The following CHSY3 variants were observed in gnomAD, a reference collection of about 807,000 sequenced individuals.
CHSY3 encodes the protein chondroitin sulfate synthase 3, also known as N-acetylgalactosaminyl-proteoglycan 3-beta-glucuronosyltransferase 3.
A neutral mutation model predicts 67.2 loss-of-function variants in CHSY3; 35 were observed. That is an observed-to-expected ratio of 0.52 (90% CI 0.40 to 0.69). The LOEUF (loss-of-function observed/expected upper bound fraction) is 0.69. Among genes scored for constraint, CHSY3 ranks in the 30% least tolerant of loss-of-function variants. The probability of loss-of-function intolerance (pLI) is 0.00; values close to 1 mark genes in which losing one functional copy is unlikely to be tolerated. For synonymous variants in CHSY3, 474 were observed against 434.7 expected (o/e 1.09, Z -1.12); for missense variants, 1,069 against 1,138.5 (o/e 0.94, Z 0.88).
intron 2 of CHSY3, among the ~76,000 whole-genome samples, chr5:130,051,903 G>A (rs1018567160): frequency 4.0e-5 from 6 of 149,440 alleles, no homozygotes; most frequent in Non-Finnish European, 7.4e-5. Flanking sequence ...ATATTCAGTA[G>A]TAGAATTGGG....
intron 2 of CHSY3, among the ~76,000 whole-genome samples, chr5:130,019,535 G>A (rs1764307094): frequency 6.6e-6 from 1 of 152,116 alleles, no homozygotes; most frequent in African/African-American, 2.4e-5. Context: ...CTTAGTTCAA[G>A]TCTGTATCCC....
intron 2 of CHSY3, among the ~76,000 whole-genome samples, chr5:130,046,197 T>A (rs76156629): frequency 2.2e-4 from 33 of 152,258 alleles, no homozygotes; most frequent in Non-Finnish European, 4.4e-4. Context: ...GAATTTAGAT[T>A]TCTTGCATCC....
Position 129,940,005 on chromosome 5 carries a change from A to G in CHSY3, c.1086+31645A>G, listed in dbSNP as rs554139883. The stretch of plus-strand genomic sequence containing the variant: ...TCCATATATTATATTAGATTTTAAG[A>G]GTGATTATGCTGATCAAATTATAAC... On this transcript the variant is annotated intron_variant, in intron 2 of 2. Coordinates refer to ENST00000305031, the MANE Select transcript of CHSY3 (RefSeq NM_175856.5). Among the ~76,000 whole-genome samples, 3 of 152,152 alleles carry G rather than the reference A, an allele frequency of 2.0e-5. No individual in the cohort carries two copies. In the South Asian group the frequency reaches 6.2e-4, roughly 31 times the overall value.
chr5:130,126,408 GAATA>G (rs1768289058), intron 2 of CHSY3, among the ~76,000 whole-genome samples: 1 of 152,102 alleles, frequency 6.6e-6, no homozygotes, highest in African/African-American at 2.4e-5. Flanking sequence ...AACCAACTCT[GAATA>G]AATAAAGACA....
intron 2 of CHSY3, among the ~76,000 whole-genome samples, chr5:130,124,591 G>C (rs139377859): frequency 6.6e-6 from 1 of 152,038 alleles, no homozygotes; most frequent in African/African-American, 2.4e-5. Flanking sequence ...GAGTAGCTGA[G>C]ATTACAGGCG....
rs371113019 is a variant in CHSY3, at chr5:130,184,482, G to A, written c.1340G>A (p.Gly447Glu). 1.9e-6 allele frequency: 3 copies of A among 1,612,900 alleles called. No individual in the cohort carries two copies. The African/African-American group carries it at 4.0e-5, about 22-fold the overall frequency. The stretch of plus-strand genomic sequence containing the variant: ...GTGAGCAAAGAGGACCAGCAGCTGG[G>A]AGTGATACCTTCTTTCAACCACTTC... The part of the protein sequence containing the change: ...TEVSKEDQQL[G>E]VIPSFNHFQP... The change falls in exon 3 of 3, where the codon GGA becomes GAA. Residue 447 changes from glycine (G) to glutamate (E), a missense_variant. Physicochemically the swap from Gly to Glu is moderately conservative, Grantham distance 98. Transcript: ENST00000305031.
chr5:130,046,442 G>A (rs1471992492), intron 2 of CHSY3, among the ~76,000 whole-genome samples: 1 of 152,064 alleles, frequency 6.6e-6, no homozygotes, highest in African/African-American at 2.4e-5. Context: ...CCATGGTTTG[G>A]GTTTGACCTT....
At chr5:130,117,124 G>C (rs1214054689) in intron 2 of CHSY3, among the ~76,000 whole-genome samples, 1 of 152,170 alleles carries the variant, frequency 6.6e-6, no homozygotes, top group African/African-American at 2.4e-5. Context: ...ACAGTGGTGT[G>C]AGGAGGAGCA....
intron 2 of CHSY3, among the ~76,000 whole-genome samples, chr5:129,924,927 C>T (rs972504119): frequency 2.6e-5 from 4 of 152,144 alleles, no homozygotes; most frequent in African/African-American, 9.7e-5. Context: ...TTTAATATGT[C>T]TCATTTGTTT....
intron 2 of CHSY3, among the ~76,000 whole-genome samples, chr5:130,108,038 A>G (rs1767467031): frequency 6.6e-6 from 1 of 151,656 alleles, no homozygotes; most frequent in African/African-American, 2.4e-5. Flanking sequence ...TGACAATTTT[A>G]TAATTGCTTA....
At chr5:130,013,307 G>T (rs895080604) in intron 2 of CHSY3, among the ~76,000 whole-genome samples, 1 of 152,154 alleles carries the variant, frequency 6.6e-6, no homozygotes, top group Non-Finnish European at 1.5e-5. Flanking sequence ...GAGTTTGGAG[G>T]ACAATGGCCC....
rs182147577 is a variant in CHSY3 at position 130,018,113 on chromosome 5, T to C, written c.1086+109753T>C. ...ACAGACAAATTGCTCCTTACTCAACTATTTTGTTTTTCTCTTTAAAGAGAG... is the reference window on the plus strand; with the variant it reads ...ACAGACAAATTGCTCCTTACTCAACCATTTTGTTTTTCTCTTTAAAGAGAG... On this transcript the variant is annotated intron_variant, in intron 2 of 2. Coordinates refer to ENST00000305031, the MANE Select transcript of CHSY3 (RefSeq NM_175856.5). Among the ~76,000 whole-genome samples, 61 of 152,322 alleles carry C rather than the reference T, an allele frequency of 4.0e-4. 1 individual carries two copies. In the South Asian group the frequency reaches 5.4e-3, roughly 13 times the overall value.
intron 2 of CHSY3, among the ~76,000 whole-genome samples, chr5:129,993,147 G>C (rs1354951232): frequency 6.6e-6 from 1 of 152,108 alleles, no homozygotes; most frequent in Non-Finnish European, 1.5e-5. Flanking sequence ...AAGCTTATGT[G>C]ACATGCTCAA....
At chr5:130,051,328 CT>C (rs961732849) in intron 2 of CHSY3, among the ~76,000 whole-genome samples, 13 of 151,982 alleles carry the variant, frequency 8.6e-5, no homozygotes, top group Non-Finnish European at 1.9e-4. Context: ...CACTATAGAA[CT>C]TTTTTTTAAA....
chr5:130,049,323 A>G (rs965661111), intron 2 of CHSY3, among the ~76,000 whole-genome samples: 3 of 152,152 alleles, frequency 2.0e-5, no homozygotes, highest in African/African-American at 7.2e-5. Flanking sequence ...ATTGACAAAA[A>G]GAAGAGCTTC....
intron 2 of CHSY3, among the ~76,000 whole-genome samples, chr5:129,929,942 G>A (rs973325260): frequency 2.5e-4 from 38 of 152,208 alleles, no homozygotes; most frequent in East Asian, 1.9e-4. Flanking sequence ...ACTATTTCTC[G>A]AGTTTAAACA....
chr5:129,968,931 A>C (rs937374559), intron 2 of CHSY3, among the ~76,000 whole-genome samples: 8 of 151,780 alleles, frequency 5.3e-5, no homozygotes, highest in Non-Finnish European at 1.0e-4. Flanking sequence ...GAGCCTGGGA[A>C]TCTGTATGTA....
chr5:130,059,986 G>A lies in CHSY3; in HGVS notation c.1087-124243G>A, dbSNP rs143493432. On this transcript the variant is annotated intron_variant, in intron 2 of 2. Coordinates refer to ENST00000305031, the MANE Select transcript of CHSY3 (RefSeq NM_175856.5). ...CACTTTTAAAAAATGAAGTGAAGAT[G>A]TACAAAAAAAAAACTGGTACCGGTC... Among the ~76,000 whole-genome samples, 566 of 151,238 alleles carry A rather than the reference G, an allele frequency of 3.7e-3. 2 individuals carry two copies. The highest frequency in any genetic ancestry group is 5.0e-3 in the Non-Finnish European group (337 of 67,764).
intron 2 of CHSY3, among the ~76,000 whole-genome samples, chr5:130,148,668 A>T (rs192505375): frequency 2.0e-5 from 3 of 152,064 alleles, no homozygotes; most frequent in African/African-American, 7.2e-5. Flanking sequence ...AGCTTTTTTC[A>T]TATGCTTATT....
Sources: gnomAD v4.1 joint callset for allele counts (sites outside exome capture counted in the v4.1 genomes callset) on GRCh38, gnomAD v4.1.1 for gene constraint, MANE v1.5 for transcripts, NCBI Gene and HGNC (gene_info 2026-07-23, HGNC 2026-07-21) for gene names.